The following DNAJC27 variants were observed in gnomAD, a reference collection of about 807,000 sequenced individuals.
The protein encoded by DNAJC27 is dnaJ homolog subfamily C member 27.
DNAJC27 carries 25 observed loss-of-function variants against 31.4 expected under a neutral mutation model. The observed-to-expected ratio is 0.80, with a 90% CI of 0.58 to 1.11. The LOEUF (loss-of-function observed/expected upper bound fraction) is 1.11, where lower values mean the gene tolerates loss of function less well. Among genes scored for constraint, DNAJC27 ranks in the 50% most tolerant of loss-of-function variants. The pLI, the probability that DNAJC27 is intolerant of heterozygous loss-of-function variation, is 0.00. For missense variants in DNAJC27, 356 were observed against 347.3 expected (o/e 1.02, Z -0.20); for synonymous variants, 106 against 112.7 (o/e 0.94, Z 0.37).
At position 24,943,703 on chromosome 2, in the gene DNAJC27, C is replaced by G. The variant is rs1558547754; in HGVS notation, c.*3913G>C. The G allele has an allele frequency of 6.6e-6, 1 of 152,568 alleles. No homozygotes were observed. The highest frequency in any genetic ancestry group is 1.5e-5 in the Non-Finnish European group (1 of 68,024). 9.5% of individuals were successfully genotyped at this position (152,568 alleles called of 1,614,324 possible). Reference sequence around the variant, plus strand: ...TTAAATACATATGACACTCTGTTTACAAGACATAAACTGGTAGATTTAACA... The same window carrying G: ...TTAAATACATATGACACTCTGTTTAGAAGACATAAACTGGTAGATTTAACA... On this transcript the variant is annotated 3_prime_UTR_variant, in exon 7 of 7. Transcript: ENST00000264711.
chr2:24,950,867 A>T (rs1464268968), intron 6 of DNAJC27, among the ~76,000 whole-genome samples: 1 of 152,014 alleles, frequency 6.6e-6, no homozygotes, highest in Non-Finnish European at 1.5e-5. Flanking sequence ...AATAAAAAAA[A>T]AAAATAAACA....
At chr2:24,967,179 A>C (rs1443937680) in intron 2 of DNAJC27, 32 bp downstream of exon 2, 2 of 1,559,460 alleles carry the variant, frequency 1.3e-6, no homozygotes, top group East Asian at 2.2e-5. Flanking sequence ...ACTTCTATGT[A>C]ACTTACAAAC....
downstream of DNAJC27, chr2:24,943,636 C>A (rs1325260166): frequency 1.3e-5 from 2 of 152,460 alleles, no homozygotes; most frequent in African/African-American, 4.8e-5. Context: ...AGCCCACAGA[C>A]CGGTGTTTGA....
Position 24,947,437 on chromosome 2 carries a change from A to T in DNAJC27, c.*179T>A. The T allele has an allele frequency of 4.6e-6, 3 of 654,644 alleles. No homozygotes were observed. The highest frequency in any genetic ancestry group is 7.7e-6 in the Non-Finnish European group (3 of 390,824). The allele number at this position is 654,644 out of a possible 1,614,324, so 40.6% of individuals were successfully genotyped here. On this transcript the variant is annotated 3_prime_UTR_variant, in exon 7 of 7. Transcript: ENST00000264711. ...CGCTCAGTTCACTTCATACAAATGC[A>T]GGTCATTTCTCAGTAAAATGTCTAT...
chr2:24,963,513 T>C (rs1334513650), intron 2 of DNAJC27, 39 bp from the exon 3 acceptor site: 3 of 1,536,296 alleles, frequency 2.0e-6, no homozygotes, highest in Non-Finnish European at 2.7e-6. Context: ...AAGAAAGTCA[T>C]GGTTTCTCCA....
rs534840592 is a variant in DNAJC27 at position 24,965,431 on chromosome 2, T to A, written c.170+1780A>T. On this transcript the variant is annotated intron_variant, in intron 2 of 6. Coordinates refer to ENST00000264711, the MANE Select transcript of DNAJC27 (RefSeq NM_016544.3). The stretch of plus-strand genomic sequence containing the variant: ...CCACCACGTCCGGCTAATTTTTGTA[T>A]TTTTAGTAGAGATAGGGTTTCACCA... Among the ~76,000 whole-genome samples, 7 of 151,842 alleles carry A rather than the reference T, an allele frequency of 4.6e-5. No individual in the cohort carries two copies. In the East Asian group the frequency reaches 1.4e-3, roughly 30 times the overall value.
In DNAJC27 at chr2:24,945,421, G is replaced by A. The variant is rs376382857; in HGVS notation, c.*2195C>T. 10 of 152,232 alleles carry A rather than the reference G, an allele frequency of 6.6e-5. No homozygotes were observed. In the South Asian group the frequency reaches 1.7e-3, roughly 25 times the overall value. 9.4% of individuals were successfully genotyped at this position (152,232 alleles called of 1,614,324 possible). A position where few individuals can be genotyped will look rare whatever the true frequency, so the allele number is the denominator to read the frequency against. On this transcript the variant is annotated 3_prime_UTR_variant, in exon 7 of 7. Coordinates refer to ENST00000264711, the MANE Select transcript of DNAJC27 (RefSeq NM_016544.3). ...CTGTAATTGCTCATCTGTGCAATAC[G>A]GCTGAATGAGGTTCCCAATCTAGTA...
chr2:24,964,928 C>T (rs1666142227), intron 2 of DNAJC27, among the ~76,000 whole-genome samples: 1 of 152,204 alleles, frequency 6.6e-6, no homozygotes, highest in African/African-American at 2.4e-5. Flanking sequence ...AAATTTCAGG[C>T]TGGACGCGGT....
At chr2:24,958,582 C>A in intron 3 of DNAJC27, 1 of 421,774 alleles carries the variant, frequency 2.4e-6, no homozygotes. Context: ...CTTAACCTCT[C>A]TGCGTCTCAG....
chr2:24,967,176 T>G (rs1220084967), intron 2 of DNAJC27, 35 bp downstream of exon 2: 1 of 1,541,398 alleles, frequency 6.5e-7, no homozygotes, highest in East Asian at 2.2e-5. Context: ...TGAACTTCTA[T>G]GTAACTTACA....
chr2:24,966,594 G>A (rs1036687101), intron 2 of DNAJC27, among the ~76,000 whole-genome samples: 1 of 152,078 alleles, frequency 6.6e-6, no homozygotes, highest in Non-Finnish European at 1.5e-5. Flanking sequence ...GAGTAGCTGG[G>A]ACTACAGGTG....
At chr2:24,962,523 T>A (rs1666075377) in intron 3 of DNAJC27, among the ~76,000 whole-genome samples, 1 of 152,178 alleles carries the variant, frequency 6.6e-6, no homozygotes, top group Admixed American at 6.5e-5. Context: ...CCCAAAGTGC[T>A]GGGATTACAG....
chr2:24,947,465 A>T lies in DNAJC27; in HGVS notation c.*151T>A. On this transcript the variant is annotated 3_prime_UTR_variant, in exon 7 of 7. Transcript: ENST00000264711. ...TCATTTCTCAGTAAAATGTCTATGA[A>T]ATGGGTACCTGAATTACTGATATAC... 1 of 915,580 alleles carries T rather than the reference A, an allele frequency of 1.1e-6. No homozygotes were observed. The highest frequency in any genetic ancestry group is 1.6e-6 in the Non-Finnish European group (1 of 610,190). 56.7% of individuals were successfully genotyped at this position (915,580 alleles called of 1,614,324 possible). A position where few individuals can be genotyped will look rare whatever the true frequency, so the allele number is the denominator to read the frequency against.
intron 1 of DNAJC27, among the ~76,000 whole-genome samples, chr2:24,968,802 C>A (rs879060185): frequency 6.6e-6 from 1 of 152,156 alleles, no homozygotes; most frequent in Non-Finnish European, 1.5e-5. Flanking sequence ...TATTACTGGA[C>A]TCTACTCTGT....
At chr2:24,957,605 G>T (rs1285970808) in intron 4 of DNAJC27, among the ~76,000 whole-genome samples, 2 of 147,014 alleles carry the variant, frequency 1.4e-5, no homozygotes, top group Non-Finnish European at 3.0e-5. Context: ...TATGGCACCA[G>T]AAAAAAAAAA....
In DNAJC27 at chr2:24,944,468, A is replaced by G. The variant is rs969717884; in HGVS notation, c.*3148T>C. ...CTTATCTATAGCTCATTTAACTAAC[A>G]GTGAATTAGGTACTAGTTTATAGGT... On this transcript the variant is annotated 3_prime_UTR_variant, in exon 7 of 7. Coordinates refer to ENST00000264711, the MANE Select transcript of DNAJC27 (RefSeq NM_016544.3). 2.0e-5 allele frequency: 3 copies of G among 152,386 alleles called. No homozygotes were observed. The highest frequency in any genetic ancestry group is 7.3e-5 in the African/African-American group (3 of 41,334). The allele number at this position is 152,386 out of a possible 1,614,324, so 9.4% of individuals were successfully genotyped here.
At chr2:24,968,004 A>G (rs1251201374) in intron 1 of DNAJC27, among the ~76,000 whole-genome samples, 1 of 143,144 alleles carries the variant, frequency 7.0e-6, no homozygotes, top group Non-Finnish European at 1.5e-5. Context: ...GTGAGCCACG[A>G]TGATGCCACT....
chr2:24,969,322 C>T (rs537072920), intron 1 of DNAJC27: 1 of 158,656 alleles, frequency 6.3e-6, no homozygotes, highest in South Asian at 1.8e-4. Flanking sequence ...GGCATAGTTT[C>T]CTATTTGTAA....
At chr2:24,967,951 T>C (rs1666230571) in intron 1 of DNAJC27, among the ~76,000 whole-genome samples, 1 of 150,002 alleles carries the variant, frequency 6.7e-6, no homozygotes, top group South Asian at 2.1e-4. Flanking sequence ...ATTAGATTAA[T>C]TCCTTTTTTT....
Sources: allele counts gnomAD v4.1 joint callset (sites outside exome capture counted in the v4.1 genomes callset), GRCh38; gene constraint gnomAD v4.1.1; transcripts MANE v1.5; gene names NCBI Gene and HGNC (gene_info 2026-07-23, HGNC 2026-07-21).